Variants in NID2 observed in about 807,000 individuals in gnomAD.
The protein encoded by NID2 is nidogen 2.
In NID2, 83 loss-of-function variants were observed where a neutral mutation model predicts 145.4. The ratio of observed to expected loss-of-function variants is 0.57; its 90% CI spans 0.48 to 0.69. The LOEUF is 0.69. Among genes scored for constraint, NID2 ranks in the 30% least tolerant of loss-of-function variants. NID2 has a pLI of 0.00. For synonymous variants in NID2, 739 were observed against 701.3 expected (o/e 1.05, Z -0.85); for missense variants, 1,807 against 1,765.7 (o/e 1.02, Z -0.42).
rs979700821 is a variant in NID2, at chr14:52,005,024, A to T, written c.*462T>A. 1 of 157,556 alleles carries T rather than the reference A, an allele frequency of 6.3e-6. No homozygotes were observed. The highest frequency in any genetic ancestry group is 2.4e-5 in the African/African-American group (1 of 41,602). The allele number at this position is 157,556 out of a possible 1,614,324, so 9.8% of individuals were successfully genotyped here. ...CTTAGAACTTTTGTTGGGAAACTATAAATAATTGGTCCTTTCCCATCAGTT... is the reference window on the plus strand; with the variant it reads ...CTTAGAACTTTTGTTGGGAAACTATTAATAATTGGTCCTTTCCCATCAGTT... On this transcript the variant is annotated 3_prime_UTR_variant, in exon 22 of 22. Transcript: ENST00000216286.
chr14:52,010,917 A>G lies in NID2; in HGVS notation c.3681T>C (p.Asp1227=), dbSNP rs138811828. 1,288 of 1,613,894 alleles carry G rather than the reference A, an allele frequency of 8.0e-4. 6 individuals carry two copies. Among genetic ancestry groups the G allele is most frequent in the Middle Eastern group, 7.3e-3 (42 of 5,792 alleles). Reference sequence around the variant, plus strand: ...CAGCGATGGCACGGGGATTCACCAGATCTGTGTAGAAGAGGACCTTGCGCT... The same window carrying G: ...CAGCGATGGCACGGGGATTCACCAGGTCTGTGTAGAAGAGGACCTTGCGCT... ...GSERKVLFYT[D]LVNPRAIAVD... The change falls in exon 18 of 22, where the codon GAT becomes GAC. Residue 1227 remains aspartate, a synonymous_variant. Transcript: ENST00000216286.
At chr14:52,037,537 C>A (rs150571729) in intron 9 of NID2, among the ~76,000 whole-genome samples, 4 of 152,150 alleles carry the variant, frequency 2.6e-5, no homozygotes, top group Non-Finnish European at 4.4e-5. Context: ...TGTATCCTTA[C>A]GCCAGGACCA....
chr14:52,014,325 G>A lies in NID2; in HGVS notation c.3382C>T (p.Leu1128Phe). 1.2e-6 allele frequency: 2 copies of A among 1,614,240 alleles called. No homozygotes were observed. Among genetic ancestry groups the A allele is most frequent in the Non-Finnish European group, 8.5e-7 (1 of 1,180,034 alleles). Residue 1128 changes from leucine to phenylalanine, a missense_variant, in exon 16 of 22, where the codon CTT becomes TTT. Leu to Phe is a conservative substitution (Grantham distance 22, BLOSUM62 0). Transcript: ENST00000216286. The part of the protein sequence containing the change: ...IGYLPLNGTR[L>F]QKDAAKTLLS... ...AGGGTCTTAGCTGCATCCTTCTGAA[G>A]CCTGGTGCCATTGAGGGGTAAGTAG...
chr14:52,006,765 T>C (rs910200611), intron 19 of NID2, 105 bp from the exon 20 acceptor site: 1 of 1,244,918 alleles, frequency 8.0e-7, no homozygotes, highest in Non-Finnish European at 1.1e-6. Flanking sequence ...TAGGATATTT[T>C]ACTTCCATTA....
chr14:52,010,625 C>G (rs1890976757), intron 18 of NID2: 1 of 372,340 alleles, frequency 2.7e-6, no homozygotes, highest in Non-Finnish European at 4.9e-6. Flanking sequence ...TTCTACATAT[C>G]ACATCACAGA....
chr14:52,025,097 G>C (rs1456538880), intron 12 of NID2, among the ~76,000 whole-genome samples: 2 of 152,186 alleles, frequency 1.3e-5, no homozygotes, highest in East Asian at 1.9e-4. Context: ...CTACAGACAA[G>C]ATTTTTCTCA....
intron 16 of NID2, 48 bp from the exon 17 acceptor site, chr14:52,011,731 C>T (rs1566742263): frequency 7.5e-6 from 12 of 1,609,372 alleles, no homozygotes; most frequent in Admixed American, 1.7e-5. Context: ...TACATTTCCC[C>T]TTTGTTCACA....
rs770008822 is a variant in NID2 at position 52,042,331 on chromosome 14, A to G, written c.1599T>C (p.Asn533=). 13 of 1,611,780 alleles carry G rather than the reference A, an allele frequency of 8.1e-6. No homozygotes were observed. The highest frequency in any genetic ancestry group is 1.6e-4 in the Middle Eastern group (1 of 6,074). ...CGTGGAGGTGGCCACTCACTTTCCC[A>G]TTCACTCGGTGAGGTGCCCCTAAAA... The part of the protein sequence containing the change: ...CLPEGAPHRV[N]GKVSGHLHVG... The change falls in exon 7 of 22, where the codon AAT becomes AAC. Residue 533 remains asparagine (N), a synonymous_variant. Coordinates refer to ENST00000216286, the MANE Select transcript of NID2 (RefSeq NM_007361.4).
At position 52,027,845 on chromosome 14, in the gene NID2, T is replaced by A. The variant is rs143967858; in HGVS notation, c.2531-501A>T. 6.2e-3 allele frequency among the ~76,000 whole-genome samples: 949 copies of A among 151,926 alleles called. 11 individuals carry two copies. The highest frequency in any genetic ancestry group is 0.037 in the Middle Eastern group (11 of 294). On this transcript the variant is annotated intron_variant, in intron 11 of 21. Transcript: ENST00000216286. ...TTCAAGTGATTCTCCTGCCTCAGCCTCCTGAGTAGCTGGGATTACAGGCGT... is the reference window on the plus strand; with the variant it reads ...TTCAAGTGATTCTCCTGCCTCAGCCACCTGAGTAGCTGGGATTACAGGCGT...
At chr14:52,009,357 G>C (rs768543963) in intron 18 of NID2, 1 of 152,142 alleles carries the variant, frequency 6.6e-6, no homozygotes, top group Non-Finnish European at 1.5e-5. Flanking sequence ...AATTATTTGG[G>C]GATTGCCAGA....
chr14:52,066,253 C>A (rs1489274229), intron 2 of NID2, among the ~76,000 whole-genome samples: 2 of 147,784 alleles, frequency 1.4e-5, no homozygotes, highest in Non-Finnish European at 3.0e-5. Context: ...TAGAGAGTAA[C>A]AGGATGGTTA....
rs112431307 is a variant in NID2, at chr14:52,005,548, C to T, written c.4118-52G>A. On this transcript the variant is annotated intron_variant, in intron 21 of 21. Transcript: ENST00000216286. ...AGGGTGGTGGGTGAGTATATTGTAA[C>T]CAAGTTGCAACAGCAAGTCTTTGCA... 51 of 1,576,524 alleles carry T rather than the reference C, an allele frequency of 3.2e-5. 1 individual carries two copies. In the African/African-American group the frequency reaches 5.6e-4, roughly 17 times the overall value.
At chr14:52,011,377 G>A (rs561823668) in intron 17 of NID2, among the ~76,000 whole-genome samples, 177 bp downstream of exon 17, 10 of 152,236 alleles carry the variant, frequency 6.6e-5, no homozygotes, top group East Asian at 3.9e-4. Flanking sequence ...ATTTCATTCC[G>A]TATGTATGAA....
At chr14:52,029,503 A>AAAAC (rs1891718499) in intron 10 of NID2, 44 bp downstream of exon 10, 1 of 1,581,890 alleles carries the variant, frequency 6.3e-7, no homozygotes. Context: ...GGGCAGAGGA[A>AAAAC]AAACAAGGGC....
intron 12 of NID2, among the ~76,000 whole-genome samples, chr14:52,022,168 T>C (rs2140364883): frequency 6.6e-6 from 1 of 151,620 alleles, no homozygotes; most frequent in Admixed American, 6.5e-5. Flanking sequence ...AAATCAACGG[T>C]GTGCTTAGAA....
chr14:52,059,782 T>C (rs1892965768), intron 3 of NID2, among the ~76,000 whole-genome samples: 1 of 152,252 alleles, frequency 6.6e-6, no homozygotes, highest in South Asian at 2.1e-4. Context: ...TGTGAAATGA[T>C]TAATCTGGAA....
chr14:52,038,737 G>A lies in NID2; in HGVS notation c.2257+10C>T. On this transcript the variant is annotated intron_variant, in intron 9 of 21. Transcript: ENST00000216286. Reference sequence around the variant, plus strand: ...TCATTTTTACCCAACAACAAAAAAGGAAACCTTACCTTTGACCGGGCCAAT... The same window carrying A: ...TCATTTTTACCCAACAACAAAAAAGAAAACCTTACCTTTGACCGGGCCAAT... 1 of 1,538,530 alleles carries A rather than the reference G, an allele frequency of 6.5e-7. No individual in the cohort carries two copies. Among genetic ancestry groups the A allele is most frequent in the Non-Finnish European group, 8.7e-7 (1 of 1,144,608 alleles).
chr14:52,058,335 T>C (rs1195868601), intron 3 of NID2, among the ~76,000 whole-genome samples: 1 of 152,248 alleles, frequency 6.6e-6, no homozygotes, highest in Non-Finnish European at 1.5e-5. Flanking sequence ...TAACACTTGT[T>C]ATCACTTGAA....
intron 11 of NID2, 142 bp downstream of exon 11, chr14:52,028,580 G>A (rs1449137400): frequency 7.5e-6 from 7 of 936,442 alleles, no homozygotes; most frequent in Non-Finnish European, 1.1e-5. Context: ...AGCCAGCTTT[G>A]GGTTATTTTG....
Sources: allele counts gnomAD v4.1 joint callset (sites outside exome capture counted in the v4.1 genomes callset), GRCh38; gene constraint gnomAD v4.1.1; transcripts MANE v1.5; gene names NCBI Gene and HGNC (gene_info 2026-07-23, HGNC 2026-07-21).